RFTN1: variants seen among roughly 807,000 people sequenced by gnomAD.
RFTN1 encodes the protein raftlin.
RFTN1 carries 26 observed loss-of-function variants against 46.5 expected under a neutral mutation model. The ratio of observed to expected loss-of-function variants is 0.56; its 90% CI spans 0.41 to 0.78. The LOEUF is 0.78. Ranked by LOEUF, RFTN1 falls within the 30% of genes least tolerant of loss-of-function variation. The pLI, the probability that RFTN1 is intolerant of heterozygous loss-of-function variation, is 0.00. For missense variants in RFTN1, 693 were observed against 718.7 expected (o/e 0.96, Z 0.41); for synonymous variants, 261 against 284.2 (o/e 0.92, Z 0.82).
chr3:16,406,330 C>T (rs1433428902), intron 4 of RFTN1, among the ~76,000 whole-genome samples: 1 of 152,224 alleles, frequency 6.6e-6, no homozygotes, highest in African/African-American at 2.4e-5. Flanking sequence ...CCACAGCCAG[C>T]AATGACAGCG....
intron 7 of RFTN1, among the ~76,000 whole-genome samples, chr3:16,340,196 T>C (rs2071221622): frequency 6.6e-6 from 1 of 152,228 alleles, no homozygotes; most frequent in African/African-American, 2.4e-5. Flanking sequence ...TGTTTCTCCA[T>C]CTCTTGACTC....
chr3:16,436,963 T>G (rs2075528822), intron 2 of RFTN1, among the ~76,000 whole-genome samples: 2 of 152,182 alleles, frequency 1.3e-5, no homozygotes, highest in African/African-American at 4.8e-5. Context: ...AAAAAGTCTG[T>G]GGGTATTTTT....
At position 16,413,047 on chromosome 3, in the gene RFTN1, C is replaced by A. The variant is rs192658580; in HGVS notation, c.333-3564G>T. Among the ~76,000 whole-genome samples, 323 of 152,302 alleles carry A rather than the reference C, an allele frequency of 2.1e-3. No individual in the cohort carries two copies. The highest frequency in any genetic ancestry group is 3.2e-3 in the Non-Finnish European group (221 of 68,026). On this transcript the variant is annotated intron_variant, in intron 3 of 9. Coordinates refer to ENST00000334133, the MANE Select transcript of RFTN1 (RefSeq NM_015150.2). The surrounding 1 kb of genome is among the most constrained non-coding windows in gnomAD (Gnocchi z 4.7). ...TACAGAAACCATATGATAATAAATA[C>A]GTACCATTTTGAACCATGAAATGTG... is the stretch of plus-strand genomic sequence containing the variant.
intron 4 of RFTN1, among the ~76,000 whole-genome samples, chr3:16,379,342 G>A (rs1346336495): frequency 6.6e-6 from 1 of 152,236 alleles, no homozygotes; most frequent in African/African-American, 2.4e-5. Context: ...ATCCTAGCCT[G>A]TGCTAGACAT....
intron 2 of RFTN1, among the ~76,000 whole-genome samples, chr3:16,486,850 T>C (rs2076454743): frequency 6.6e-6 from 1 of 152,212 alleles, no homozygotes; most frequent in South Asian, 2.1e-4. Context: ...AAGAAAGTAA[T>C]GAAGGTCAAA....
intron 9 of RFTN1, among the ~76,000 whole-genome samples, chr3:16,318,075 CAG>C (rs1453692117): frequency 1.3e-5 from 2 of 152,300 alleles, no homozygotes; most frequent in Non-Finnish European, 2.9e-5. Context: ...ACAGGGAAGT[CAG>C]GGGCTCAGAG....
At chr3:16,357,813 G>C (rs941660924) in intron 7 of RFTN1, 119 bp downstream of exon 7, 8 of 689,900 alleles carry the variant, frequency 1.2e-5, no homozygotes, top group Non-Finnish European at 1.8e-5. Context: ...GACCTACCAG[G>C]TCAACTCCCT....
At chr3:16,434,394 A>G (rs1311414655) in intron 2 of RFTN1, among the ~76,000 whole-genome samples, 1 of 140,894 alleles carries the variant, frequency 7.1e-6, no homozygotes, top group African/African-American at 2.6e-5. Context: ...ACAAACAAAC[A>G]AAAACAAAAA....
Position 16,507,705 on chromosome 3 carries a change from A to T in RFTN1, c.-9+5737T>A, listed in dbSNP as rs1478244469. On this transcript the variant is annotated intron_variant, in intron 1 of 9. Coordinates refer to ENST00000334133, the MANE Select transcript of RFTN1 (RefSeq NM_015150.2). This position sits in a 1 kb window ranked among gnomAD's most constrained non-coding sequence, Gnocchi z 7.1. ...TAAACACACACATACACACACATAC[A>T]TACACATACACACATACACACAAAC... 6.6e-6 allele frequency among the ~76,000 whole-genome samples: 1 copy of T among 151,718 alleles called. No individual in the cohort carries two copies. The highest frequency in any genetic ancestry group is 2.4e-5 in the African/African-American group (1 of 41,248).
At chr3:16,349,142 T>C (rs1230852004) in intron 7 of RFTN1, 1 of 152,202 alleles carries the variant, frequency 6.6e-6, no homozygotes, top group African/African-American at 2.4e-5. Flanking sequence ...ACAAACTGTA[T>C]AAACTAAGCT....
At chr3:16,485,485 C>T (rs1212829668) in intron 2 of RFTN1, among the ~76,000 whole-genome samples, 2 of 152,188 alleles carry the variant, frequency 1.3e-5, no homozygotes, top group Non-Finnish European at 2.9e-5. Context: ...GGACTCCATA[C>T]ATACAACAGC....
chr3:16,417,208 G>C (rs918599012), intron 3 of RFTN1, among the ~76,000 whole-genome samples: 1 of 150,834 alleles, frequency 6.6e-6, no homozygotes, highest in Non-Finnish European at 1.5e-5. Context: ...GTAAAGATGA[G>C]TTCTCCCTAC....
chr3:16,505,722 A>C (rs1473934108), intron 1 of RFTN1, among the ~76,000 whole-genome samples: 1 of 152,188 alleles, frequency 6.6e-6, no homozygotes, highest in East Asian at 1.9e-4. Flanking sequence ...TTCTGATTTC[A>C]AAGTTCATCA....
rs1206999715 is a variant in RFTN1, at chr3:16,459,207, A to T, written c.146-25170T>A. ...TAGCCTCCCAAAGTGCTGGAATTAC[A>T]GGTATGAGCCACTGTGCCTGGCCAC... On this transcript the variant is annotated intron_variant, in intron 2 of 9. Coordinates refer to ENST00000334133, the MANE Select transcript of RFTN1 (RefSeq NM_015150.2). The surrounding 1 kb of genome is among the most constrained non-coding windows in gnomAD (Gnocchi z 4.2). Among the ~76,000 whole-genome samples, 1 of 152,204 alleles carries T rather than the reference A, an allele frequency of 6.6e-6. No individual in the cohort carries two copies. The highest frequency in any genetic ancestry group is 1.5e-5 in the Non-Finnish European group (1 of 68,034).
Position 16,427,285 on chromosome 3 carries a change from C to A in RFTN1, c.332+6566G>T, listed in dbSNP as rs2075305789. 6.6e-6 allele frequency among the ~76,000 whole-genome samples: 1 copy of A among 152,140 alleles called. No homozygotes were observed. Among genetic ancestry groups the A allele is most frequent in the South Asian group, 2.1e-4 (1 of 4,820 alleles). On this transcript the variant is annotated intron_variant, in intron 3 of 9. Coordinates refer to ENST00000334133, the MANE Select transcript of RFTN1 (RefSeq NM_015150.2). This position sits in a 1 kb window ranked among gnomAD's most constrained non-coding sequence, Gnocchi z 5.4. ...ATTGACTCACTACTTCCCAAGAGTC[C>A]CCATTCAATGAGCCAGGCCACTGTA...
intron 7 of RFTN1, among the ~76,000 whole-genome samples, chr3:16,340,694 T>TA (rs1229463249): frequency 1.3e-5 from 2 of 152,236 alleles, no homozygotes; most frequent in Admixed American, 1.3e-4. Flanking sequence ...ACTCTGCAGT[T>TA]ATAGATTTTA....
chr3:16,457,886 A>G lies in RFTN1; in HGVS notation c.146-23849T>C, dbSNP rs1215805358. Among the ~76,000 whole-genome samples the G allele has an allele frequency of 6.6e-6, 1 of 152,186 alleles. No homozygotes were observed. Among genetic ancestry groups the G allele is most frequent in the Non-Finnish European group, 1.5e-5 (1 of 68,022 alleles). On this transcript the variant is annotated intron_variant, in intron 2 of 9. Coordinates refer to ENST00000334133, the MANE Select transcript of RFTN1 (RefSeq NM_015150.2). This position sits in a 1 kb window ranked among gnomAD's most constrained non-coding sequence, Gnocchi z 4.2. ...CTTAGGTCATGAGGGCTCAGCCCTT[A>G]TGAGTGGATTAATATCATTATAAAA...
At chr3:16,375,025 T>C (rs897705466) in intron 5 of RFTN1, among the ~76,000 whole-genome samples, 1 of 152,000 alleles carries the variant, frequency 6.6e-6, no homozygotes, top group Admixed American at 6.5e-5. Flanking sequence ...GGAAATAAAT[T>C]AACTGAGGAG....
rs2068583085 is a variant in RFTN1 at position 16,317,787 on chromosome 3, GACC to G, written c.1333-558_1333-556del. Among the ~76,000 whole-genome samples the G allele has an allele frequency of 6.6e-6, 1 of 151,934 alleles. No homozygotes were observed. Among genetic ancestry groups the G allele is most frequent in the African/African-American group, 2.4e-5 (1 of 41,226 alleles). On this transcript the variant is annotated intron_variant, in intron 9 of 9. Coordinates refer to ENST00000334133, the MANE Select transcript of RFTN1 (RefSeq NM_015150.2). This position sits in a 1 kb window ranked among gnomAD's most constrained non-coding sequence, Gnocchi z 4.3. ...CCAGCTAGGCCGATAGCCCTTTGCT[GACC>G]ACCACCTCACAGAAGGGTCACACCA...
Sources: gnomAD v4.1 joint callset for allele counts (sites outside exome capture counted in the v4.1 genomes callset) on GRCh38, gnomAD v4.1.1 for gene constraint, Gnocchi (gnomAD v3.1) non-coding constraint, MANE v1.5 for transcripts, NCBI Gene and HGNC (gene_info 2026-07-23, HGNC 2026-07-21) for gene names.